The following GPC6 variants were observed in gnomAD, a reference collection of about 807,000 sequenced individuals.
GPC6 encodes glypican 6, also known as glypican-6.
In GPC6, 14 loss-of-function variants were observed where a neutral mutation model predicts 55.2. The ratio of observed to expected loss-of-function variants is 0.25; its 90% CI spans 0.17 to 0.40. GPC6 has a LOEUF of 0.40. Ranked by LOEUF, GPC6 falls within the 10% of genes least tolerant of loss-of-function variation. The probability of loss-of-function intolerance (pLI) is 1.00; values close to 1 mark genes in which losing one functional copy is unlikely to be tolerated. For synonymous variants in GPC6, 278 were observed against 259.6 expected, an observed-to-expected ratio of 1.07 and a Z score of -0.68; for missense variants, 641 against 708.5, an observed-to-expected ratio of 0.90 and a Z score of 1.08.
At chr13:93,875,677 TTAG>T (rs1889270680) in intron 3 of GPC6, among the ~76,000 whole-genome samples, 1 of 152,032 alleles carries the variant, frequency 6.6e-6, no homozygotes, top group African/African-American at 2.4e-5. Context: ...AAGAAAGCAT[TTAG>T]CTTAGTATGT....
At chr13:93,460,931 A>G (rs1184387754) in intron 1 of GPC6, among the ~76,000 whole-genome samples, 1 of 152,202 alleles carries the variant, frequency 6.6e-6, no homozygotes, top group African/African-American at 2.4e-5. Context: ...TAATGTGTAT[A>G]TAAACTTATG....
chr13:93,704,499 A>G (rs961236065), intron 2 of GPC6, among the ~76,000 whole-genome samples: 4 of 151,360 alleles, frequency 2.6e-5, no homozygotes, highest in Non-Finnish European at 5.9e-5. Flanking sequence ...ACATATACTT[A>G]TATTTTAATA....
chr13:93,311,517 GTAATCCCA>G (rs1879067277), intron 1 of GPC6, among the ~76,000 whole-genome samples: 1 of 152,008 alleles, frequency 6.6e-6, no homozygotes, highest in African/African-American at 2.4e-5. Context: ...CCTGGTTCCG[GTAATCCCA>G]TAATAGTGTT....
chr13:93,845,887 G>T, intron 3 of GPC6, among the ~76,000 whole-genome samples: 1 of 150,050 alleles, frequency 6.7e-6, no homozygotes, highest in Non-Finnish European at 1.5e-5. Flanking sequence ...AATGCTAGAT[G>T]ACGAGTTAGT....
intron 1 of GPC6, among the ~76,000 whole-genome samples, chr13:93,272,943 C>T (rs1211888788): frequency 6.6e-6 from 1 of 152,044 alleles, no homozygotes; most frequent in Non-Finnish European, 1.5e-5. Context: ...CCATAAAATG[C>T]AGTAAGGTGG....
intron 2 of GPC6, among the ~76,000 whole-genome samples, chr13:93,755,520 G>A (rs1171045422): frequency 6.6e-6 from 1 of 152,190 alleles, no homozygotes. Flanking sequence ...TTTAGCTCAT[G>A]GATTTGATCC....
chr13:94,115,027 A>G (rs530648733), intron 4 of GPC6, among the ~76,000 whole-genome samples: 5 of 152,280 alleles, frequency 3.3e-5, no homozygotes, highest in African/African-American at 9.6e-5. Flanking sequence ...AAATGGTTAA[A>G]TGTGTGATAA....
At chr13:93,387,416 A>G (rs1043463154) in intron 1 of GPC6, among the ~76,000 whole-genome samples, 2 of 152,194 alleles carry the variant, frequency 1.3e-5, no homozygotes, top group Non-Finnish European at 2.9e-5. Flanking sequence ...ATGAGTGAGA[A>G]CATGCAGTAT....
intron 3 of GPC6, among the ~76,000 whole-genome samples, chr13:93,982,981 C>G (rs1406709946): frequency 6.6e-6 from 1 of 152,088 alleles, no homozygotes; most frequent in African/African-American, 2.4e-5. Flanking sequence ...TTTTGATGGG[C>G]TGGATTTGGC....
At chr13:93,888,501 G>A (rs993194963) in intron 3 of GPC6, among the ~76,000 whole-genome samples, 3 of 152,128 alleles carry the variant, frequency 2.0e-5, no homozygotes, top group Non-Finnish European at 4.4e-5. Flanking sequence ...ACAATATGTA[G>A]AGGACAGGTT....
intron 6 of GPC6, among the ~76,000 whole-genome samples, chr13:94,372,354 G>A (rs1288856821): frequency 1.9e-4 from 29 of 152,062 alleles, no homozygotes; most frequent in East Asian, 3.9e-4. Context: ...CAGTGGGTGC[G>A]CGCACCGTGC....
intron 2 of GPC6, among the ~76,000 whole-genome samples, chr13:93,777,500 G>A (rs932264077): frequency 6.6e-6 from 1 of 152,166 alleles, no homozygotes; most frequent in East Asian, 1.9e-4. Flanking sequence ...ATTTCATTAA[G>A]TGAATGGCTT....
intron 4 of GPC6, among the ~76,000 whole-genome samples, chr13:94,097,023 C>T (rs12019657): frequency 7.8e-6 from 1 of 128,426 alleles, no homozygotes; most frequent in Admixed American, 8.8e-5. Context: ...AATAGGTTAA[C>T]ACCTATTATG....
intron 1 of GPC6, among the ~76,000 whole-genome samples, chr13:93,538,426 TGAG>T (rs1278820644): frequency 6.6e-6 from 1 of 151,994 alleles, no homozygotes; most frequent in Non-Finnish European, 1.5e-5. Flanking sequence ...CCTAGAGAGA[TGAG>T]GAGATGGAGA....
At chr13:93,475,181 A>C (rs896877861) in intron 1 of GPC6, among the ~76,000 whole-genome samples, 3 of 138,808 alleles carry the variant, frequency 2.2e-5, no homozygotes, top group Non-Finnish European at 3.2e-5. Flanking sequence ...CACACACACA[A>C]ACACACACAG....
At chr13:94,301,711 C>T (rs1477881897) in intron 5 of GPC6, among the ~76,000 whole-genome samples, 1 of 152,114 alleles carries the variant, frequency 6.6e-6, no homozygotes, top group Non-Finnish European at 1.5e-5. Context: ...AATAGGCTGT[C>T]CTCAGCCTCA....
At chr13:93,413,521 T>C (rs928824145) in intron 1 of GPC6, among the ~76,000 whole-genome samples, 6 of 151,876 alleles carry the variant, frequency 4.0e-5, no homozygotes, top group Non-Finnish European at 8.8e-5. Flanking sequence ...AACTTTCATC[T>C]GTCAATTCTT....
chr13:93,327,580 G>A (rs1460636735), intron 1 of GPC6, among the ~76,000 whole-genome samples: 1 of 152,042 alleles, frequency 6.6e-6, no homozygotes, highest in Non-Finnish European at 1.5e-5. Flanking sequence ...AGAAGACCTG[G>A]ATTAAAATCC....
chr13:94,125,775 G>A (rs1261637786), intron 4 of GPC6, among the ~76,000 whole-genome samples: 4 of 151,426 alleles, frequency 2.6e-5, no homozygotes, highest in Admixed American at 6.6e-5. Flanking sequence ...AGAAATGAGC[G>A]TGGAGCACTG....
Sources: gnomAD v4.1 joint callset for allele counts (sites outside exome capture counted in the v4.1 genomes callset) on GRCh38, gnomAD v4.1.1 for gene constraint, MANE v1.5 for transcripts, NCBI Gene and HGNC (gene_info 2026-07-23, HGNC 2026-07-21) for gene names.